Variants in RANBP1 observed in about 807,000 individuals in gnomAD.
RANBP1 encodes the protein ran-specific GTPase-activating protein.
In RANBP1, 16 loss-of-function variants were observed where a neutral mutation model predicts 31.4. That is an observed-to-expected ratio of 0.51 (90% CI 0.34 to 0.77). The LOEUF (loss-of-function observed/expected upper bound fraction) is 0.77. Among genes scored for constraint, RANBP1 ranks in the 30% least tolerant of loss-of-function variants. The pLI, the probability that RANBP1 is intolerant of heterozygous loss-of-function variation, is 0.01. For synonymous variants in RANBP1, 129 were observed against 140.5 expected (o/e 0.92, Z 0.58); for missense variants, 265 against 362.0 (o/e 0.73, Z 2.17).
rs1166080494 is a variant in RANBP1 at position 20,119,062 on chromosome 22, A to T, written c.296A>T (p.Asn99Ile). 1.9e-6 allele frequency: 3 copies of T among 1,612,970 alleles called. No individual in the cohort carries two copies. Among genetic ancestry groups the T allele is most frequent in the Non-Finnish European group, 2.5e-6 (3 of 1,179,340 alleles). ...DTSTENTDES[N>I]HDPQFEPIVS... ...TCCACTGAGAATACAGACGAGTCCAACCATGACCCTCAGTTTGAGCCAATA... is the reference window on the plus strand; with the variant it reads ...TCCACTGAGAATACAGACGAGTCCATCCATGACCCTCAGTTTGAGCCAATA... The change falls in exon 2 of 6, where the codon AAC (asparagine) becomes ATC (isoleucine). Residue 99 changes from asparagine (N) to isoleucine (I), a missense_variant. Asn to Ile is a moderately radical substitution (Grantham distance 149). Around this residue, in one of 3 missense-constraint regions of RANBP1, gnomAD observed 90 missense variants for 190.5 expected, o/e 0.47. Coordinates refer to ENST00000430524, the MANE Select transcript of RANBP1 (RefSeq NM_001278639.2).
At chr22:20,122,723 C>CTCTG in intron 3 of RANBP1, 4 of 929,142 alleles carry the variant, frequency 4.3e-6, no homozygotes, top group Middle Eastern at 4.9e-4. Context: ...CGAGGGGGTG[C>CTCTG]TGTGTGTGTG....
rs1394486282 is a variant in RANBP1 at position 20,117,248 on chromosome 22, C to A, written c.246+818C>A. Reference sequence around the variant, plus strand: ...CTATGATCCTGGCTTCTGGCAACGTCATCGTCACGCGCCGGATCCAACCCC... The same window carrying A: ...CTATGATCCTGGCTTCTGGCAACGTAATCGTCACGCGCCGGATCCAACCCC... On this transcript the variant is annotated intron_variant, in intron 1 of 5. Transcript: ENST00000430524. The A allele has an allele frequency of 5.5e-6, 3 of 549,030 alleles. No homozygotes were observed. The East Asian group carries it at 1.2e-4, about 22-fold the overall frequency. 34.0% of individuals were successfully genotyped at this position (549,030 alleles called of 1,614,324 possible).
intron 1 of RANBP1, chr22:20,117,769 G>T (rs980318603): frequency 4.9e-5 from 52 of 1,065,100 alleles, no homozygotes; most frequent in Non-Finnish European, 5.7e-5. Flanking sequence ...CCGCCGGCCT[G>T]CAGGCTCGGC....
At position 20,123,784 on chromosome 22, in the gene RANBP1, G is replaced by A. The variant is rs190251453; in HGVS notation, c.541+1363G>A. On this transcript the variant is annotated intron_variant, in intron 3 of 5. Coordinates refer to ENST00000430524, the MANE Select transcript of RANBP1 (RefSeq NM_001278639.2). ...TTGTCCTGAGTATGGCTGGCTGCCA[G>A]CTGTCTTTAGATTGAACCTGCACTG... Among the ~76,000 whole-genome samples, 542 of 152,140 alleles carry A rather than the reference G, an allele frequency of 3.6e-3. 6 individuals are homozygous for A. Among genetic ancestry groups the A allele is most frequent in the African/African-American group, 0.013 (528 of 41,484 alleles).
rs1197465490 is a variant in RANBP1 at position 20,127,105 on chromosome 22, T to A, written c.*53T>A. The A allele has an allele frequency of 6.8e-7, 1 of 1,467,694 alleles. No homozygotes were observed. The highest frequency in any genetic ancestry group is 2.4e-5 in the East Asian group (1 of 42,076). 90.9% of individuals were successfully genotyped at this position (1,467,694 alleles called of 1,614,324 possible). ...TCTTTCCTTTCCTTTTTTTAAAAAA[T>A]TTTACCCTGCCCCTCTTTTTCGGTT... On this transcript the variant is annotated 3_prime_UTR_variant, in exon 6 of 6. Coordinates refer to ENST00000430524, the MANE Select transcript of RANBP1 (RefSeq NM_001278639.2).
chr22:20,120,266 T>C (rs2050145026), intron 2 of RANBP1, among the ~76,000 whole-genome samples: 1 of 152,052 alleles, frequency 6.6e-6, no homozygotes, highest in Admixed American at 6.5e-5. Context: ...TCACAGAGGG[T>C]GATGGACATC....
chr22:20,122,159 T>G (rs1243834970), intron 2 of RANBP1, 105 bp from the exon 3 acceptor site: 1 of 1,320,196 alleles, frequency 7.6e-7, no homozygotes, highest in African/African-American at 1.5e-5. Flanking sequence ...GGGGCGTTCG[T>G]GGAGGCATGG....
At chr22:20,126,663 G>A (rs774860150) in intron 5 of RANBP1, 10 of 1,511,106 alleles carry the variant, frequency 6.6e-6, no homozygotes, top group Non-Finnish European at 8.9e-6. Context: ...CAGAGGGCTT[G>A]GTCACCTCTG....
intron 3 of RANBP1, chr22:20,124,345 T>C (rs2050250109): frequency 6.6e-6 from 1 of 151,228 alleles, no homozygotes; most frequent in Non-Finnish European, 1.5e-5. Context: ...GAGGCTGGCT[T>C]CTGGGTAAGG....
In RANBP1 at chr22:20,116,357, C is replaced by A. The variant is rs747190280; in HGVS notation, c.173C>A (p.Pro58His). The A allele has an allele frequency of 3.7e-6, 6 of 1,612,712 alleles. No homozygotes were observed. The highest frequency in any genetic ancestry group is 3.3e-5 in the South Asian group (3 of 91,094). ...LVLWGCRPKR[P>H]RKRRTSLKLA... ...TTGTGGGGCTGCAGACCAAAGCGGCCCAGGAAGCGCCGGACGTCGCTGAAG... is the reference window on the plus strand; with the variant it reads ...TTGTGGGGCTGCAGACCAAAGCGGCACAGGAAGCGCCGGACGTCGCTGAAG... Residue 58 changes from proline (P) to histidine (H), a missense_variant, in exon 1 of 6, where the codon CCC becomes CAC. This residue lies in a region of RANBP1 where 126 missense variants were observed against 123.6 expected (regional missense o/e 1.02). Coordinates refer to ENST00000430524, the MANE Select transcript of RANBP1 (RefSeq NM_001278639.2).
intron 4 of RANBP1, among the ~76,000 whole-genome samples, chr22:20,125,900 C>T (rs1169423857): frequency 6.6e-6 from 1 of 152,264 alleles, no homozygotes; most frequent in South Asian, 2.1e-4. Context: ...AGAGGTCTTT[C>T]CAGTCCAGAT....
intron 1 of RANBP1, chr22:20,117,005 A>C: frequency 1.4e-6 from 2 of 1,469,326 alleles, no homozygotes; most frequent in South Asian, 2.4e-5. Context: ...TCACAAGGGA[A>C]GTGCTCAGAG....
chr22:20,123,443 GTGGTGTCTGGGGGGGTT>G (rs2050231410), intron 3 of RANBP1, among the ~76,000 whole-genome samples: 1 of 105,940 alleles, frequency 9.4e-6, no homozygotes, highest in African/African-American at 3.6e-5. Context: ...GGGGGGGTGT[GTGGTGTCTGGGGGGGTT>G]TGGTGTCTGA....
In RANBP1 at chr22:20,127,284, T is replaced by C; in HGVS notation, c.*232T>C. On this transcript the variant is annotated 3_prime_UTR_variant, in exon 6 of 6. Transcript: ENST00000430524. Reference sequence around the variant, plus strand: ...TCATGAAAATGTACTGTGCTAACTTTCTTTTCCATAGTGGAAACACTTATT... The same window carrying C: ...TCATGAAAATGTACTGTGCTAACTTCCTTTTCCATAGTGGAAACACTTATT... The C allele has an allele frequency of 2.8e-6, 1 of 356,772 alleles. No homozygotes were observed. Among genetic ancestry groups the C allele is most frequent in the Non-Finnish European group, 5.2e-6 (1 of 190,686 alleles). 22.1% of individuals were successfully genotyped at this position (356,772 alleles called of 1,614,324 possible). A position where few individuals can be genotyped will look rare whatever the true frequency, so the allele number is the denominator to read the frequency against.
chr22:20,117,191 C>A (rs958345383), intron 1 of RANBP1: 4 of 549,068 alleles, frequency 7.3e-6, no homozygotes, highest in Non-Finnish European at 1.2e-5. Flanking sequence ...CACTCTTAGT[C>A]CGCCAGCGCG....
chr22:20,116,451 G>A (rs764838784), intron 1 of RANBP1, 21 bp downstream of exon 1: 2 of 1,612,756 alleles, frequency 1.2e-6, no homozygotes, highest in South Asian at 1.1e-5. Flanking sequence ...CATCCCTGAT[G>A]TAGCTGTAGA....
At chr22:20,118,415 T>G in intron 1 of RANBP1, 1 of 910,864 alleles carries the variant, frequency 1.1e-6, no homozygotes, top group Non-Finnish European at 1.3e-6. Context: ...ACAATTTATC[T>G]AGTTATTAAC....
At chr22:20,121,564 TA>T (rs2050172401) in intron 2 of RANBP1, among the ~76,000 whole-genome samples, 1 of 151,460 alleles carries the variant, frequency 6.6e-6, no homozygotes, top group African/African-American at 2.4e-5. Flanking sequence ...TGTTTTTTTT[TA>T]AAATAGGGTC....
At chr22:20,118,077 C>T (rs2050085210) in intron 1 of RANBP1, 1 of 998,360 alleles carries the variant, frequency 1.0e-6, no homozygotes, top group Non-Finnish European at 1.2e-6. Flanking sequence ...GTTCTTACGT[C>T]TGGAACCGCC....
Sources: gnomAD v4.1 joint callset for allele counts (sites outside exome capture counted in the v4.1 genomes callset) on GRCh38, gnomAD v4.1.1 for gene constraint, gnomAD v4.1.1 regional missense constraint, MANE v1.5 for transcripts, NCBI Gene and HGNC (gene_info 2026-07-23, HGNC 2026-07-21) for gene names.